ZHX3: variants seen among roughly 807,000 people sequenced by gnomAD.
The protein encoded by ZHX3 is zinc fingers and homeoboxes protein 3.
A neutral mutation model predicts 64.5 loss-of-function variants in ZHX3; 20 were observed. The ratio of observed to expected loss-of-function variants is 0.31; its 90% CI spans 0.22 to 0.45. The LOEUF (loss-of-function observed/expected upper bound fraction) is 0.45, where lower values mean the gene tolerates loss of function less well. ZHX3 is among the 20% of genes least tolerant of loss of function. The pLI, the probability that ZHX3 is intolerant of heterozygous loss-of-function variation, is 1.00. For missense variants in ZHX3, 1,041 were observed against 1,195.8 expected, an observed-to-expected ratio of 0.87 and a Z score of 1.91; for synonymous variants, 423 against 461.6, an observed-to-expected ratio of 0.92 and a Z score of 1.07.
chr20:41,258,913 T>C (rs1024646029), intron 2 of ZHX3, among the ~76,000 whole-genome samples: 1 of 152,230 alleles, frequency 6.6e-6, no homozygotes, highest in Non-Finnish European at 1.5e-5. Flanking sequence ...GATTAGTTGA[T>C]ATGATTTCCC....
At chr20:41,231,894 A>T (rs986913684) in intron 2 of ZHX3, among the ~76,000 whole-genome samples, 2 of 152,226 alleles carry the variant, frequency 1.3e-5, no homozygotes, top group Non-Finnish European at 2.9e-5. Flanking sequence ...AATATTTATA[A>T]AGTATATCAC....
In ZHX3 at chr20:41,184,906, A is replaced by T. The variant is rs1451040424; in HGVS notation, c.*285T>A. 2 of 1,533,264 alleles carry T rather than the reference A, an allele frequency of 1.3e-6. No homozygotes were observed. Among genetic ancestry groups the T allele is most frequent in the South Asian group, 1.2e-5 (1 of 83,766 alleles). The allele number at this position is 1,533,264 out of a possible 1,614,324, so 95.0% of individuals were successfully genotyped here. A position where few individuals can be genotyped will look rare whatever the true frequency, so the allele number is the denominator to read the frequency against. ...GCTTGATTCTGTGTCTATGAATATG[A>T]CTATGAACTCTGAACTATTTTATCC... On this transcript the variant is annotated 3_prime_UTR_variant, in exon 4 of 4. Transcript: ENST00000683867.
At chr20:41,262,907 A>G (rs2042633269) in intron 2 of ZHX3, among the ~76,000 whole-genome samples, 1 of 152,244 alleles carries the variant, frequency 6.6e-6, no homozygotes, top group Admixed American at 6.5e-5. Flanking sequence ...CTTATATGGA[A>G]GAAAAGGCAA....
chr20:41,289,077 AACCTCT>A (rs2044088570), intron 1 of ZHX3, among the ~76,000 whole-genome samples: 3 of 152,194 alleles, frequency 2.0e-5, no homozygotes, highest in Middle Eastern at 6.8e-3. Context: ...CGGCAACCTC[AACCTCT>A]TGGGCCCAAG....
intron 1 of ZHX3, among the ~76,000 whole-genome samples, chr20:41,281,262 C>T (rs185391104): frequency 1.3e-5 from 2 of 152,172 alleles, no homozygotes; most frequent in Non-Finnish European, 2.9e-5. Context: ...AGTATGAAGG[C>T]AAAATAAAGT....
intron 3 of ZHX3, among the ~76,000 whole-genome samples, chr20:41,198,938 T>C (rs1473149050): frequency 2.0e-5 from 3 of 152,114 alleles, no homozygotes; most frequent in African/African-American, 7.2e-5. Context: ...TTCTTTCTTC[T>C]CCTTTGGATA....
intron 1 of ZHX3, among the ~76,000 whole-genome samples, chr20:41,279,388 A>C (rs1469541256): frequency 6.6e-6 from 1 of 152,198 alleles, no homozygotes; most frequent in African/African-American, 2.4e-5. Flanking sequence ...TGATACATGA[A>C]AAACAGTATC....
At chr20:41,273,403 T>C (rs571344375) in intron 1 of ZHX3, among the ~76,000 whole-genome samples, 2 of 152,352 alleles carry the variant, frequency 1.3e-5, no homozygotes, top group South Asian at 2.1e-4. Flanking sequence ...CTTTCGTTGC[T>C]TGTGCTTTTG....
intron 2 of ZHX3, among the ~76,000 whole-genome samples, chr20:41,229,841 T>C (rs1276323859): frequency 6.6e-6 from 1 of 152,212 alleles, no homozygotes; most frequent in Non-Finnish European, 1.5e-5. Context: ...GCAAGTGTCA[T>C]GAAGCTTTTC....
At chr20:41,198,499 T>G (rs1189312944) in intron 3 of ZHX3, among the ~76,000 whole-genome samples, 2 of 152,026 alleles carry the variant, frequency 1.3e-5, no homozygotes, top group Admixed American at 6.5e-5. Flanking sequence ...TTTTTTTCTT[T>G]TTTTCACGAC....
At chr20:41,314,602 G>A (rs1020382406) in intron 1 of ZHX3, among the ~76,000 whole-genome samples, 8 of 152,196 alleles carry the variant, frequency 5.3e-5, no homozygotes, top group African/African-American at 1.4e-4. Context: ...CAGGGATAAC[G>A]CATAAGAAGG....
chr20:41,288,310 G>A (rs190618933), intron 1 of ZHX3, among the ~76,000 whole-genome samples: 37 of 152,252 alleles, frequency 2.4e-4, no homozygotes, highest in Non-Finnish European at 4.6e-4. Context: ...GTGAGCCACC[G>A]TTCCCAGCCT....
intron 2 of ZHX3, among the ~76,000 whole-genome samples, chr20:41,215,093 C>G (rs556971191): frequency 1.2e-4 from 19 of 152,176 alleles, no homozygotes; most frequent in Non-Finnish European, 2.2e-4. Flanking sequence ...CCCGTCTCTA[C>G]TAAAAACACA....
At chr20:41,236,397 A>T (rs1189469010) in intron 2 of ZHX3, among the ~76,000 whole-genome samples, 2 of 152,240 alleles carry the variant, frequency 1.3e-5, no homozygotes, top group Non-Finnish European at 2.9e-5. Context: ...TAACCAAAAC[A>T]GCATGGTACT....
At position 41,317,523 on chromosome 20, in the gene ZHX3, G is replaced by T. The variant is rs1377477294; in HGVS notation, c.-259C>A. On this transcript the variant is annotated 5_prime_UTR_variant, in exon 1 of 4. Transcript: ENST00000683867. ...CGGGCGCTCACCTGGCAGCGGCGGC[G>T]GTGGCGGCGCCCGCGACCGGGCCGC... 1.3e-5 allele frequency: 2 copies of T among 148,612 alleles called. No individual in the cohort carries two copies. Among genetic ancestry groups the T allele is most frequent in the Admixed American group, 1.3e-4 (2 of 14,934 alleles). The allele number at this position is 148,612 out of a possible 1,614,324, so 9.2% of individuals were successfully genotyped here.
intron 1 of ZHX3, among the ~76,000 whole-genome samples, chr20:41,288,613 G>A (rs1017428751): frequency 1.3e-5 from 2 of 152,152 alleles, no homozygotes; most frequent in African/African-American, 4.8e-5. Flanking sequence ...ATCTTAGCTA[G>A]CCAGAATGAT....
At chr20:41,285,729 G>A (rs184326243) in intron 1 of ZHX3, among the ~76,000 whole-genome samples, 56 of 152,310 alleles carry the variant, frequency 3.7e-4, no homozygotes, top group Admixed American at 2.5e-3. Flanking sequence ...TGTTTTAGCC[G>A]TGCTGTTCAC....
intron 2 of ZHX3, among the ~76,000 whole-genome samples, chr20:41,234,695 C>A (rs1419442993): frequency 6.6e-6 from 1 of 152,216 alleles, no homozygotes; most frequent in Non-Finnish European, 1.5e-5. Flanking sequence ...TGAATACAGC[C>A]CTTTGGTTAC....
intron 3 of ZHX3, among the ~76,000 whole-genome samples, chr20:41,191,700 G>A (rs894570155): frequency 1.3e-5 from 2 of 152,200 alleles, no homozygotes; most frequent in African/African-American, 4.8e-5. Flanking sequence ...GTTTGGGTAG[G>A]ACACTTTGGC....
Sources: allele counts gnomAD v4.1 joint callset (sites outside exome capture counted in the v4.1 genomes callset), GRCh38; gene constraint gnomAD v4.1.1; transcripts MANE v1.5; gene names NCBI Gene and HGNC (gene_info 2026-07-23, HGNC 2026-07-21).